CYP4B1: variants seen among roughly 807,000 people sequenced by gnomAD.
The protein encoded by CYP4B1 is cytochrome P450 4B1.
Under a neutral mutation model 54.0 loss-of-function variants are expected in CYP4B1, and 45 were observed. The ratio of observed to expected loss-of-function variants is 0.83; its 90% CI spans 0.66 to 1.07. CYP4B1 has a LOEUF of 1.07. CYP4B1 is among the 50% of genes least tolerant of loss of function. The pLI is 0.00. For synonymous variants in CYP4B1, 248 were observed against 247.5 expected (o/e 1.00, Z -0.02); for missense variants, 656 against 655.4 (o/e 1.00, Z -0.01).
At chr1:46,810,434 C>T (rs1243625062) in intron 1 of CYP4B1, among the ~76,000 whole-genome samples, 2 of 152,148 alleles carry the variant, frequency 1.3e-5, no homozygotes, top group East Asian at 1.9e-4. Context: ...GGAATTGAGG[C>T]CATTTCTCTA....
chr1:46,803,680 G>A (rs575090873), intron 1 of CYP4B1, among the ~76,000 whole-genome samples: 3 of 152,282 alleles, frequency 2.0e-5, no homozygotes, highest in South Asian at 4.1e-4. Context: ...GGAGAATTCC[G>A]TGGCAGAGTC....
At chr1:46,812,125 G>A (rs1308743086) in intron 3 of CYP4B1, 1 of 471,102 alleles carries the variant, frequency 2.1e-6, no homozygotes, top group Non-Finnish European at 4.2e-6. Context: ...GCCAGTCTCA[G>A]CAGCTGAGAG....
rs1679077756 is a variant in CYP4B1, at chr1:46,811,020, T to C, written c.322+71T>C. 2.5e-6 allele frequency: 4 copies of C among 1,603,196 alleles called. No individual in the cohort carries two copies. In the East Asian group the frequency reaches 8.9e-5, roughly 36 times the overall value. On this transcript the variant is annotated intron_variant, in intron 2 of 11. Transcript: ENST00000371923. ...AGAACAAAGGGCTCAGGGCATGATA[T>C]GGGGAGGAAGCCTGGGCCTGTGTAC...
chr1:46,815,107 C>T lies in CYP4B1; in HGVS notation c.916C>T (p.Leu306Phe), dbSNP rs749071537. Residue 306 changes from leucine (L) to phenylalanine (F), a missense_variant, in exon 8 of 12, where the codon CTC becomes TTC. Physicochemically the swap from Leu to Phe is conservative, Grantham distance 22. Coordinates refer to ENST00000371923, the MANE Select transcript of CYP4B1 (RefSeq NM_001099772.2). ...TGACATCAAACTGTCAGATGCAGAC[C>T]TCCGGGCTGAAGTGGACACATTCAT... ...EDDIKLSDAD[L>F]RAEVDTFMFE... 1 of 1,614,222 alleles carries T rather than the reference C, an allele frequency of 6.2e-7. No homozygotes were observed. The highest frequency in any genetic ancestry group is 1.7e-5 in the Admixed American group (1 of 60,034).
intron 3 of CYP4B1, among the ~76,000 whole-genome samples, chr1:46,811,893 G>A (rs567816008): frequency 4.1e-4 from 62 of 152,286 alleles, no homozygotes; most frequent in Admixed American, 7.8e-4. Context: ...TTTACTCACC[G>A]AGTACCACTG....
chr1:46,802,190 G>GGTGTGTGT (rs149282133), intron 1 of CYP4B1, among the ~76,000 whole-genome samples: 1 of 151,176 alleles, frequency 6.6e-6, no homozygotes, highest in African/African-American at 2.4e-5. Flanking sequence ...GGTGTGTGTG[G>GGTGTGTGT]GTGTGTGTGT....
At chr1:46,801,443 C>T (rs767207949) in intron 1 of CYP4B1, among the ~76,000 whole-genome samples, 32 of 152,204 alleles carry the variant, frequency 2.1e-4, no homozygotes, top group Non-Finnish European at 3.4e-4. Context: ...TTAACGGCCC[C>T]CACCCCCACC....
In CYP4B1 at chr1:46,815,231, G is replaced by A. The variant is rs199691504; in HGVS notation, c.1040G>A (p.Arg347His). The A allele has an allele frequency of 9.1e-5, 144 of 1,584,934 alleles. No individual in the cohort carries two copies. The highest frequency in any genetic ancestry group is 5.1e-4 in the Admixed American group (29 of 57,382). ...EHQHRCREEV[R>H]EILGDQDFFQ... ...CAGCATCGTTGTAGAGAGGAGGTCC[G>A]CGAGATCCTAGGGGACCAGGACTTC... The change falls in exon 8 of 12, where the codon CGC becomes CAC. Residue 347 changes from arginine (R) to histidine (H), a missense_variant. Physicochemically the swap from Arg to His is conservative, Grantham distance 29. Coordinates refer to ENST00000371923, the MANE Select transcript of CYP4B1 (RefSeq NM_001099772.2).
chr1:46,804,351 AG>A (rs1678775147), intron 1 of CYP4B1, among the ~76,000 whole-genome samples: 1 of 152,118 alleles, frequency 6.6e-6, no homozygotes, highest in African/African-American at 2.4e-5. Flanking sequence ...TCTTTAGAGA[AG>A]TTAGATTATG....
At chr1:46,814,926 G>A in intron 7 of CYP4B1, 148 bp from the exon 8 acceptor site, 2 of 662,366 alleles carry the variant, frequency 3.0e-6, no homozygotes, top group Non-Finnish European at 5.2e-6. Context: ...AAGGAATATA[G>A]GAATCTGGGG....
chr1:46,810,428 T>C (rs1679050884), intron 1 of CYP4B1, among the ~76,000 whole-genome samples: 2 of 152,136 alleles, frequency 1.3e-5, no homozygotes, highest in Non-Finnish European at 2.9e-5. Flanking sequence ...AGGGGTGGAA[T>C]TGAGGCCATT....
At chr1:46,800,277 C>A (rs1678593764) in intron 1 of CYP4B1, among the ~76,000 whole-genome samples, 1 of 122,720 alleles carries the variant, frequency 8.1e-6, no homozygotes. Flanking sequence ...TTCCTTCCTT[C>A]CTTCCTTCCT....
At chr1:46,802,505 TG>T (rs1211793124) in intron 1 of CYP4B1, among the ~76,000 whole-genome samples, 1 of 152,216 alleles carries the variant, frequency 6.6e-6, no homozygotes, top group Non-Finnish European at 1.5e-5. Flanking sequence ...TGCAAACTAC[TG>T]GGCAGATAAA....
intron 8 of CYP4B1, among the ~76,000 whole-genome samples, chr1:46,816,814 T>C (rs1288121610): frequency 6.6e-6 from 1 of 152,132 alleles, no homozygotes; most frequent in Non-Finnish European, 1.5e-5. Flanking sequence ...TCCTGTGCCT[T>C]CTTCTCCTAC....
At chr1:46,818,402 T>C (rs1569923670) in intron 11 of CYP4B1, among the ~76,000 whole-genome samples, 189 bp downstream of exon 11, 1 of 152,166 alleles carries the variant, frequency 6.6e-6, no homozygotes. Context: ...GTGGGATAGA[T>C]GAGTCATTCC....
rs1679069434 is a variant in CYP4B1, at chr1:46,810,896, G to A, written c.269G>A (p.Gly90Asp). 3.1e-6 allele frequency: 5 copies of A among 1,614,022 alleles called. No homozygotes were observed. The highest frequency in any genetic ancestry group is 1.3e-5 in the African/African-American group (1 of 74,920). ...CCACTCTGGTTCGGACAGTTCATTG[G>A]CTTCCTGAACATCTATGAGCCTGAC... ...AHPLWFGQFI[G>D]FLNIYEPDYA... The change falls in exon 2 of 12, where the codon GGC (glycine) becomes GAC (aspartate). Residue 90 changes from glycine (G) to aspartate (D), a missense_variant. Coordinates refer to ENST00000371923, the MANE Select transcript of CYP4B1 (RefSeq NM_001099772.2).
chr1:46,810,563 T>C (rs748731540), intron 1 of CYP4B1, among the ~76,000 whole-genome samples: 5 of 152,164 alleles, frequency 3.3e-5, no homozygotes, highest in South Asian at 4.1e-4. Context: ...TGGAAGCAGG[T>C]TGGCTACTTT....
At chr1:46,800,246 C>CT (rs1557484812) in intron 1 of CYP4B1, among the ~76,000 whole-genome samples, 1 of 38,740 alleles carries the variant, frequency 2.6e-5, no homozygotes, top group Admixed American at 2.9e-4. Flanking sequence ...TCTTTCCTTC[C>CT]TTCCTTCCTT....
chr1:46,818,063 G>T, intron 10 of CYP4B1, 34 bp downstream of exon 10: 1 of 1,613,764 alleles, frequency 6.2e-7, no homozygotes. Flanking sequence ...ATCAGACAGG[G>T]TGGGGGACTG....
Sources: allele counts gnomAD v4.1 joint callset (sites outside exome capture counted in the v4.1 genomes callset), GRCh38; gene constraint gnomAD v4.1.1; transcripts MANE v1.5; gene names NCBI Gene and HGNC (gene_info 2026-07-23, HGNC 2026-07-21).